CCDC93: variants seen among roughly 807,000 people sequenced by gnomAD.
CCDC93 encodes the protein CCC complex scaffolding subunit CCDC93, also known as coiled-coil domain-containing protein 93.
Under a neutral mutation model 108.2 loss-of-function variants are expected in CCDC93, and 61 were observed. The observed-to-expected ratio is 0.56, with a 90% CI of 0.46 to 0.70. The LOEUF (loss-of-function observed/expected upper bound fraction) is 0.70, where lower values mean the gene tolerates loss of function less well. Among genes scored for constraint, CCDC93 ranks in the 30% least tolerant of loss-of-function variants. The pLI is 0.00. For missense variants in CCDC93, 685 were observed against 764.2 expected (o/e 0.90, Z 1.22); for synonymous variants, 276 against 260.4 (o/e 1.06, Z -0.58).
chr2:117,974,678 T>C (rs900564065), intron 10 of CCDC93, among the ~76,000 whole-genome samples, 172 bp downstream of exon 10: 64 of 152,064 alleles, frequency 4.2e-4, no homozygotes, highest in African/African-American at 1.5e-3. Context: ...TTCCCATGGG[T>C]GGCAGCACTA....
intron 19 of CCDC93, among the ~76,000 whole-genome samples, chr2:117,940,606 T>G (rs958561322): frequency 6.6e-6 from 1 of 152,158 alleles, no homozygotes; most frequent in African/African-American, 2.4e-5. Flanking sequence ...GATGTGTGGC[T>G]AGGGGACTTG....
chr2:117,954,013 T>C (rs1055541690), intron 12 of CCDC93, among the ~76,000 whole-genome samples: 64 of 152,320 alleles, frequency 4.2e-4, no homozygotes, highest in Admixed American at 3.8e-3. Context: ...TGCCTCGATC[T>C]TGGACTTCCC....
At chr2:117,923,341 G>C (rs1031963396) in intron 23 of CCDC93, among the ~76,000 whole-genome samples, 1 of 152,198 alleles carries the variant, frequency 6.6e-6, no homozygotes, top group Non-Finnish European at 1.5e-5. Context: ...GGAAGCACAA[G>C]GGGTCAGGGA....
intron 6 of CCDC93, 150 bp from the exon 7 acceptor site, chr2:117,986,219 C>A: frequency 1.9e-6 from 1 of 528,014 alleles, no homozygotes; most frequent in Non-Finnish European, 3.3e-6. Context: ...GGCTGGAATG[C>A]AGTGGCGCGA....
chr2:117,973,162 T>C (rs772122617), intron 11 of CCDC93, among the ~76,000 whole-genome samples: 1 of 152,034 alleles, frequency 6.6e-6, no homozygotes, highest in Non-Finnish European at 1.5e-5. Flanking sequence ...TTCAGAAGAA[T>C]ATGTCACAGA....
intron 2 of CCDC93, among the ~76,000 whole-genome samples, chr2:118,007,827 T>C (rs896258788): frequency 2.6e-5 from 4 of 152,234 alleles, no homozygotes; most frequent in Non-Finnish European, 4.4e-5. Flanking sequence ...TATTATAAAA[T>C]AACCCAGAGT....
chr2:118,001,021 C>T, intron 3 of CCDC93, 89 bp from the exon 4 acceptor site: 1 of 765,680 alleles, frequency 1.3e-6, no homozygotes, highest in Non-Finnish European at 2.3e-6. Context: ...ACAGACGGAT[C>T]TGGGACTTCT....
Position 118,014,062 on chromosome 2 carries a change from C to T in CCDC93, c.-67G>A, listed in dbSNP as rs576928869. On this transcript the variant is annotated 5_prime_UTR_variant, in exon 1 of 24. Coordinates refer to ENST00000376300, the MANE Select transcript of CCDC93 (RefSeq NM_019044.5). The stretch of plus-strand genomic sequence containing the variant: ...AGCGTCCGGAGGAAGCTGTCCCTGC[C>T]GCGGAGCTGCTACCGGGGTGGAGTA... 4.0e-5 allele frequency: 62 copies of T among 1,562,180 alleles called. No individual in the cohort carries two copies. The African/African-American group carries it at 7.4e-4, about 19-fold the overall frequency.
In CCDC93 at chr2:117,919,566, G is replaced by C. The variant is rs529423984; in HGVS notation, c.*777C>G. The C allele has an allele frequency of 2.0e-5, 3 of 152,324 alleles. No individual in the cohort carries two copies. Among genetic ancestry groups the C allele is most frequent in the Non-Finnish European group, 4.4e-5 (3 of 68,050 alleles). The allele number at this position is 152,324 out of a possible 1,614,324, so 9.4% of individuals were successfully genotyped here. A position where few individuals can be genotyped will look rare whatever the true frequency, so the allele number is the denominator to read the frequency against. On this transcript the variant is annotated 3_prime_UTR_variant, in exon 24 of 24. Transcript: ENST00000376300. ...AATGAGGGGGATGCACAGCCCCTCT[G>C]CATGCTGTGACTCACATGAACATTG...
intron 18 of CCDC93, among the ~76,000 whole-genome samples, chr2:117,943,523 G>A (rs549814038): frequency 2.2e-4 from 34 of 152,308 alleles, no homozygotes; most frequent in Non-Finnish European, 4.0e-4. Flanking sequence ...ACCCGAGCCC[G>A]GCCTTTCCCT....
intron 3 of CCDC93, among the ~76,000 whole-genome samples, chr2:118,003,581 T>C (rs186212393): frequency 2.6e-5 from 4 of 152,242 alleles, no homozygotes; most frequent in African/African-American, 7.2e-5. Flanking sequence ...GAACCATACA[T>C]AATAGCTTAA....
intron 11 of CCDC93, among the ~76,000 whole-genome samples, chr2:117,961,354 C>T (rs1679385049): frequency 6.6e-6 from 1 of 152,164 alleles, no homozygotes; most frequent in African/African-American, 2.4e-5. Flanking sequence ...GGTAATAATT[C>T]TTAGTCCTGT....
chr2:118,000,504 T>C (rs1225943732), intron 4 of CCDC93, among the ~76,000 whole-genome samples: 1 of 151,956 alleles, frequency 6.6e-6, no homozygotes, highest in African/African-American at 2.4e-5. Flanking sequence ...AAGCAAGGAA[T>C]GAAATCAAGC....
intron 13 of CCDC93, chr2:117,950,836 G>A: frequency 1.0e-6 from 1 of 985,402 alleles, no homozygotes; most frequent in Non-Finnish European, 1.2e-6. Flanking sequence ...AGAGGGCTCT[G>A]ATGCCAGGCT....
chr2:117,986,263 G>A (rs892839918), intron 6 of CCDC93, among the ~76,000 whole-genome samples, 194 bp from the exon 7 acceptor site: 7 of 145,570 alleles, frequency 4.8e-5, no homozygotes, highest in Non-Finnish European at 8.9e-5. Context: ...TGCCTCTACC[G>A]TGGGGTATAT....
At position 117,919,178 on chromosome 2, in the gene CCDC93, T is replaced by G. The variant is rs1029999155; in HGVS notation, c.*1165A>C. On this transcript the variant is annotated 3_prime_UTR_variant, in exon 24 of 24. Transcript: ENST00000376300. ...CCAAGGATTAAAATCAACCCTCAGC[T>G]GCCCTTCAAGGCCCTCCAAAGCCTA... The G allele has an allele frequency of 1.3e-5, 2 of 152,240 alleles. No homozygotes were observed. The highest frequency in any genetic ancestry group is 4.2e-4 in the South Asian group (2 of 4,818). The allele number at this position is 152,240 out of a possible 1,614,324, so 9.4% of individuals were successfully genotyped here. A position where few individuals can be genotyped will look rare whatever the true frequency, so the allele number is the denominator to read the frequency against.
At chr2:117,993,438 CA>C (rs35648657) in intron 6 of CCDC93, among the ~76,000 whole-genome samples, 1 of 141,984 alleles carries the variant, frequency 7.0e-6, no homozygotes. Flanking sequence ...CTTTTGTTAC[CA>C]AAAAAAAAAA....
intron 15 of CCDC93, among the ~76,000 whole-genome samples, 172 bp from the exon 16 acceptor site, chr2:117,947,054 T>C (rs1216485324): frequency 6.6e-6 from 1 of 152,224 alleles, no homozygotes; most frequent in Non-Finnish European, 1.5e-5. Context: ...AAAGTTCTTT[T>C]CAGGAGGCTA....
chr2:117,948,487 A>T (rs574095431), intron 14 of CCDC93, among the ~76,000 whole-genome samples: 2 of 152,276 alleles, frequency 1.3e-5, no homozygotes, highest in Non-Finnish European at 2.9e-5. Flanking sequence ...TAATGATACC[A>T]ATTATTCAAC....
Sources: gnomAD v4.1 joint callset for allele counts (sites outside exome capture counted in the v4.1 genomes callset) on GRCh38, gnomAD v4.1.1 for gene constraint, MANE v1.5 for transcripts, NCBI Gene and HGNC (gene_info 2026-07-23, HGNC 2026-07-21) for gene names.